PCED1B: variants seen among roughly 807,000 people sequenced by gnomAD.
The protein encoded by PCED1B is PC-esterase domain-containing protein 1B.
For synonymous variants in PCED1B, 251 were observed against 246.1 expected (o/e 1.02, Z -0.19); for missense variants, 573 against 573.9 (o/e 1.00, Z 0.02).
chr12:47,208,844 G>A (rs888568637), intron 2 of PCED1B: 1 of 152,280 alleles, frequency 6.6e-6, no homozygotes, highest in Non-Finnish European at 1.5e-5. Flanking sequence ...CGGGTGCAGT[G>A]GTTCATGTCT....
intron 2 of PCED1B, among the ~76,000 whole-genome samples, chr12:47,175,705 C>T (rs940936272): frequency 1.3e-5 from 2 of 151,834 alleles, no homozygotes; most frequent in African/African-American, 4.8e-5. Context: ...TCCCAAGTAG[C>T]TAGGATTACA....
chr12:47,095,700 T>C (rs1938458107), intron 1 of PCED1B, among the ~76,000 whole-genome samples: 1 of 152,230 alleles, frequency 6.6e-6, no homozygotes, highest in African/African-American at 2.4e-5. Flanking sequence ...TGTAAACTTA[T>C]CCATTTGAAT....
At chr12:47,232,668 C>A (rs1248779878) in intron 3 of PCED1B, among the ~76,000 whole-genome samples, 3 of 152,108 alleles carry the variant, frequency 2.0e-5, no homozygotes, top group African/African-American at 4.8e-5. Context: ...ATTTAGTCAT[C>A]TGTGGATATG....
intron 3 of PCED1B, among the ~76,000 whole-genome samples, chr12:47,219,227 A>T (rs767093197): frequency 6.6e-6 from 1 of 152,230 alleles, no homozygotes; most frequent in African/African-American, 2.4e-5. Flanking sequence ...AACAATAATG[A>T]TAGCAACAAT....
At chr12:47,096,033 A>T (rs1938472433) in intron 1 of PCED1B, among the ~76,000 whole-genome samples, 1 of 152,092 alleles carries the variant, frequency 6.6e-6, no homozygotes, top group African/African-American at 2.4e-5. Flanking sequence ...GCTTACAATA[A>T]TTGAGGTCTC....
In PCED1B at chr12:47,106,632, C is replaced by T. The variant is rs114117731; in HGVS notation, c.-526+2437C>T. 4.1e-3 allele frequency among the ~76,000 whole-genome samples: 623 copies of T among 152,300 alleles called. 3 individuals carry two copies. The highest frequency in any genetic ancestry group is 0.013 in the African/African-American group (539 of 41,554). ...CGAGCCTCCTCATAGGGTCCCTGGG[C>T]GCCCATCTCCTTTATGGGGCCCCTC... On this transcript the variant is annotated intron_variant, in intron 2 of 3. Coordinates refer to ENST00000546455, the MANE Select transcript of PCED1B (RefSeq NM_138371.3).
chr12:47,179,784 C>G (rs1942037864), intron 2 of PCED1B, among the ~76,000 whole-genome samples: 1 of 152,058 alleles, frequency 6.6e-6, no homozygotes, highest in African/African-American at 2.4e-5. Context: ...ACTGAGGGTA[C>G]AGCAGAGGCA....
rs1262084804 is a variant in PCED1B at position 47,114,187 on chromosome 12, AT to A, written c.-526+9993del. On this transcript the variant is annotated intron_variant, in intron 2 of 3. Coordinates refer to ENST00000546455, the MANE Select transcript of PCED1B (RefSeq NM_138371.3). ...CAGAATTCAGATTCAGCACACCTTC[AT>A]GAGTATCCACTATGTGCCACTTAGA... 3.9e-5 allele frequency among the ~76,000 whole-genome samples: 6 copies of A among 152,264 alleles called. No homozygotes were observed. In the East Asian group the frequency reaches 1.2e-3, roughly 29 times the overall value.
intron 2 of PCED1B, among the ~76,000 whole-genome samples, chr12:47,196,594 G>C (rs549618962): frequency 6.6e-6 from 1 of 152,150 alleles, no homozygotes; most frequent in Non-Finnish European, 1.5e-5. Context: ...TTGGGAGGCC[G>C]AGGCAGGCAG....
chr12:47,082,064 GA>G (rs1382513182), intron 1 of PCED1B, among the ~76,000 whole-genome samples: 1 of 152,192 alleles, frequency 6.6e-6, no homozygotes, highest in African/African-American at 2.4e-5. Flanking sequence ...TAGCTGGGAG[GA>G]AAGAAAGATA....
chr12:47,090,906 A>G (rs554330285), intron 1 of PCED1B, among the ~76,000 whole-genome samples: 5 of 150,852 alleles, frequency 3.3e-5, no homozygotes, highest in Admixed American at 3.3e-4. Flanking sequence ...CAAAAATTGG[A>G]ACAACCATTT....
At chr12:47,224,382 C>A (rs886210208) in intron 3 of PCED1B, among the ~76,000 whole-genome samples, 2 of 152,178 alleles carry the variant, frequency 1.3e-5, no homozygotes, top group African/African-American at 2.4e-5. Context: ...TTATATTAGA[C>A]TATTATTATG....
intron 2 of PCED1B, among the ~76,000 whole-genome samples, chr12:47,152,069 GATAGAA>G (rs1941013767): frequency 6.6e-6 from 1 of 152,126 alleles, no homozygotes; most frequent in South Asian, 2.1e-4. Flanking sequence ...GCAGATAGAT[GATAGAA>G]ATAGAAAATC....
intron 2 of PCED1B, among the ~76,000 whole-genome samples, chr12:47,135,273 T>C (rs1038604483): frequency 3.3e-5 from 5 of 152,224 alleles, no homozygotes; most frequent in African/African-American, 7.2e-5. Context: ...CCAGCTAATA[T>C]GTTAAAGAAA....
chr12:47,224,422 A>C (rs1943574707), intron 3 of PCED1B, among the ~76,000 whole-genome samples: 1 of 152,216 alleles, frequency 6.6e-6, no homozygotes, highest in Admixed American at 6.5e-5. Flanking sequence ...GAATTTTTAA[A>C]CTTGGTAATT....
intron 2 of PCED1B, among the ~76,000 whole-genome samples, chr12:47,169,746 T>G (rs1242333054): frequency 6.6e-6 from 1 of 152,032 alleles, no homozygotes; most frequent in Non-Finnish European, 1.5e-5. Context: ...TCCTAGTGTT[T>G]TGGGAGGCCA....
chr12:47,155,653 C>T (rs187661144), intron 2 of PCED1B, among the ~76,000 whole-genome samples: 28 of 152,200 alleles, frequency 1.8e-4, no homozygotes, highest in Non-Finnish European at 3.4e-4. Context: ...AAGTTGAGCT[C>T]CTAGAGGTTA....
intron 2 of PCED1B, among the ~76,000 whole-genome samples, chr12:47,154,927 C>T (rs922366327): frequency 6.6e-6 from 1 of 152,060 alleles, no homozygotes. Flanking sequence ...CTTTGAAAAT[C>T]TCAAACTAAG....
intron 2 of PCED1B, among the ~76,000 whole-genome samples, chr12:47,138,743 C>T (rs974548801): frequency 6.6e-6 from 1 of 152,154 alleles, no homozygotes; most frequent in Non-Finnish European, 1.5e-5. Context: ...ACCATCCTTG[C>T]CTTGAGCCAA....
Sources: allele counts gnomAD v4.1 joint callset (sites outside exome capture counted in the v4.1 genomes callset), GRCh38; gene constraint gnomAD v4.1.1; transcripts MANE v1.5; gene names NCBI Gene and HGNC (gene_info 2026-07-23, HGNC 2026-07-21).